Variants in MYO16 observed in about 807,000 individuals in gnomAD.
MYO16 encodes myosin XVI, also known as unconventional myosin-XVI.
In MYO16, 94 loss-of-function variants were observed where a neutral mutation model predicts 205.3. The observed-to-expected ratio is 0.46, with a 90% CI of 0.39 to 0.54. MYO16 has a LOEUF of 0.54. MYO16 is among the 20% of genes least tolerant of loss of function. The probability of loss-of-function intolerance (pLI) is 0.00; values close to 1 mark genes in which losing one functional copy is unlikely to be tolerated. For missense variants in MYO16, 2,315 were observed against 2,387.5 expected (o/e 0.97, Z 0.63); for synonymous variants, 988 against 954.0 (o/e 1.04, Z -0.66).
At chr13:108,748,048 AAC>A (rs1394364584) in intron 4 of MYO16, among the ~76,000 whole-genome samples, 4 of 152,090 alleles carry the variant, frequency 2.6e-5, no homozygotes, top group Non-Finnish European at 4.4e-5. Context: ...ACTGCAGCAA[AAC>A]ACACATTCTT....
intron 16 of MYO16, among the ~76,000 whole-genome samples, chr13:108,949,171 G>C (rs1054029757): frequency 2.3e-4 from 35 of 152,288 alleles, no homozygotes; most frequent in Non-Finnish European, 2.1e-4. Context: ...TAAGAACGAA[G>C]ATAACTGTAT....
At chr13:109,115,872 T>C (rs1386723230) in intron 28 of MYO16, among the ~76,000 whole-genome samples, 2 of 152,182 alleles carry the variant, frequency 1.3e-5, no homozygotes, top group Admixed American at 6.5e-5. Flanking sequence ...GCATTCAGAA[T>C]GGTTTCTGAG....
chr13:108,550,340 G>A, the MYO16 span, among the ~76,000 whole-genome samples: 4 of 152,236 alleles, frequency 2.6e-5, no homozygotes, highest in Admixed American at 6.5e-5. Context: ...AATATCACTT[G>A]TGGGTAAAAC....
At chr13:108,816,058 C>A (rs1875581049) in intron 7 of MYO16, among the ~76,000 whole-genome samples, 1 of 152,140 alleles carries the variant, frequency 6.6e-6, no homozygotes, top group Admixed American at 6.6e-5. Context: ...AAAAAATGGT[C>A]TTCTCCAAAA....
At chr13:108,877,602 T>C (rs192894530) in intron 12 of MYO16, among the ~76,000 whole-genome samples, 3 of 152,358 alleles carry the variant, frequency 2.0e-5, no homozygotes, top group Admixed American at 1.3e-4. Flanking sequence ...TAGCATCTTA[T>C]AGTTTGAAAT....
At chr13:108,855,666 G>A (rs898043788) in intron 11 of MYO16, 113 bp downstream of exon 11, 19 of 648,596 alleles carry the variant, frequency 2.9e-5, no homozygotes, top group Non-Finnish European at 4.0e-5. Context: ...TTCTGGTAGT[G>A]GTGATAGCTG....
intron 33 of MYO16, chr13:109,167,426 T>A (rs772566681): frequency 6.6e-6 from 1 of 151,994 alleles, no homozygotes; most frequent in Admixed American, 6.6e-5. Flanking sequence ...TTATGTAACA[T>A]TTGGGGAAAA....
chr13:108,850,083 G>C (rs1626752), intron 10 of MYO16, among the ~76,000 whole-genome samples: 1 of 142,202 alleles, frequency 7.0e-6, no homozygotes, highest in Non-Finnish European at 1.5e-5. Context: ...GGTTATTTGC[G>C]CCTAGACTGC....
intron 1 of MYO16, among the ~76,000 whole-genome samples, chr13:108,634,875 T>C (rs1880155096): frequency 6.6e-6 from 1 of 152,170 alleles, no homozygotes; most frequent in Non-Finnish European, 1.5e-5. Flanking sequence ...GCATCATCTA[T>C]ATTTTCCCAC....
intron 16 of MYO16, among the ~76,000 whole-genome samples, chr13:108,911,866 A>G (rs539088316): frequency 6.6e-6 from 1 of 152,342 alleles, no homozygotes; most frequent in East Asian, 1.9e-4. Flanking sequence ...TGAAGGATGC[A>G]CTGAACAAGG....
chr13:108,575,119 T>C, the MYO16 span, among the ~76,000 whole-genome samples: 2 of 152,302 alleles, frequency 1.3e-5, no homozygotes, highest in South Asian at 2.1e-4. Context: ...GTTTATCAGA[T>C]GCCCTCTATC....
chr13:108,943,063 A>C (rs1026921165), intron 16 of MYO16, among the ~76,000 whole-genome samples: 4 of 152,238 alleles, frequency 2.6e-5, no homozygotes, highest in African/African-American at 9.6e-5. Flanking sequence ...GGTGAATGAG[A>C]AACAGTTGAA....
At chr13:108,511,281 G>C in the MYO16 span, among the ~76,000 whole-genome samples, 1 of 134,952 alleles carries the variant, frequency 7.4e-6, no homozygotes, top group East Asian at 2.4e-4. Context: ...CTTTTGAGAA[G>C]TGTCTGTTCA....
At chr13:109,069,518 G>A (rs1304404845) in intron 27 of MYO16, among the ~76,000 whole-genome samples, 2 of 151,936 alleles carry the variant, frequency 1.3e-5, no homozygotes, top group Non-Finnish European at 2.9e-5. Context: ...CAGTCTGGAG[G>A]CTAAAAGTCC....
At chr13:108,615,645 G>T (rs1051562666) in intron 1 of MYO16, among the ~76,000 whole-genome samples, 1 of 152,098 alleles carries the variant, frequency 6.6e-6, no homozygotes, top group African/African-American at 2.4e-5. Flanking sequence ...ATTGATCCAT[G>T]CTGTCAGATA....
At chr13:108,681,421 C>T (rs1338420609) in intron 2 of MYO16, among the ~76,000 whole-genome samples, 1 of 152,144 alleles carries the variant, frequency 6.6e-6, no homozygotes, top group East Asian at 1.9e-4. Context: ...AATGTTGTTT[C>T]AGCTCTCATT....
the MYO16 span, among the ~76,000 whole-genome samples, chr13:108,528,510 G>A: frequency 1.6e-4 from 24 of 146,274 alleles, no homozygotes; most frequent in Non-Finnish European, 3.1e-4. Context: ...TCCCCAAATT[G>A]TACTTGAAAC....
intron 32 of MYO16, among the ~76,000 whole-genome samples, chr13:109,150,782 A>G (rs1877616694): frequency 6.6e-6 from 1 of 152,204 alleles, no homozygotes; most frequent in Non-Finnish European, 1.5e-5. Context: ...CCACTAAAGC[A>G]AGCAGCTATT....
chr13:108,860,290 T>C (rs1457719271), intron 11 of MYO16, among the ~76,000 whole-genome samples: 2 of 150,094 alleles, frequency 1.3e-5, no homozygotes, highest in Non-Finnish European at 3.0e-5. Flanking sequence ...GTTAGTTTGC[T>C]AAGGATAATA....
Sources: gnomAD v4.1 joint callset for allele counts (sites outside exome capture counted in the v4.1 genomes callset) on GRCh38, gnomAD v4.1.1 for gene constraint, MANE v1.5 for transcripts, NCBI Gene and HGNC (gene_info 2026-07-23, HGNC 2026-07-21) for gene names.